Variants in ZNF608 observed in about 807,000 individuals in gnomAD.
ZNF608 encodes zinc finger protein 608.
A neutral mutation model predicts 109.0 loss-of-function variants in ZNF608; 12 were observed. That is an observed-to-expected ratio of 0.11 (90% CI 0.07 to 0.18). The LOEUF (loss-of-function observed/expected upper bound fraction) is 0.18. ZNF608 is among the 10% of genes least tolerant of loss of function. The pLI, the probability that ZNF608 is intolerant of heterozygous loss-of-function variation, is 1.00. For synonymous variants in ZNF608, 732 were observed against 717.4 expected (o/e 1.02, Z -0.33); for missense variants, 1,707 against 1,879.3 (o/e 0.91, Z 1.70).
intron 3 of ZNF608, among the ~76,000 whole-genome samples, chr5:124,672,780 G>A (rs1282466883): frequency 6.6e-6 from 1 of 152,166 alleles, no homozygotes; most frequent in South Asian, 2.1e-4. Flanking sequence ...ACAGCCTTTT[G>A]ATGTTACCTT....
intron 2 of ZNF608, among the ~76,000 whole-genome samples, chr5:124,725,069 C>G (rs994196676): frequency 6.6e-6 from 1 of 152,082 alleles, no homozygotes; most frequent in Admixed American, 6.5e-5. Context: ...TCCTCAAACA[C>G]ACCAAATACA....
intron 3 of ZNF608, among the ~76,000 whole-genome samples, chr5:124,690,924 A>AACACACACAC (rs35022360): frequency 1.0e-3 from 91 of 86,988 alleles, no homozygotes; most frequent in African/African-American, 4.4e-3. Flanking sequence ...GCAACAGAAA[A>AACACACACAC]ACACACACAC....
intron 3 of ZNF608, among the ~76,000 whole-genome samples, chr5:124,678,650 G>A (rs112875419): frequency 3.5e-4 from 54 of 152,284 alleles, no homozygotes; most frequent in African/African-American, 1.2e-3. Context: ...CTGAGGGTGC[G>A]TGTTAGTTGA....
chr5:124,737,302 G>A (rs921814659), intron 2 of ZNF608, among the ~76,000 whole-genome samples: 2 of 152,096 alleles, frequency 1.3e-5, no homozygotes, highest in Non-Finnish European at 2.9e-5. Context: ...TTTTCTTAAG[G>A]TGCTAGCTGA....
chr5:124,745,011 A>T lies in ZNF608; in HGVS notation c.-22T>A, dbSNP rs2149909954. On this transcript the variant is annotated 5_prime_UTR_variant, in exon 2 of 10. Coordinates refer to ENST00000513986, the MANE Select transcript of ZNF608 (RefSeq NM_020747.3). ...ACATCCTGAAGATGAGCTCTCTAGA[A>T]TAAAAATCCGATGAACTTTTCTTTG... 6.4e-7 allele frequency: 1 copy of T among 1,568,956 alleles called. No individual in the cohort carries two copies. The highest frequency in any genetic ancestry group is 2.2e-5 in the East Asian group (1 of 44,566).
intron 3 of ZNF608, among the ~76,000 whole-genome samples, chr5:124,697,755 C>A (rs946401548): frequency 3.9e-5 from 6 of 152,110 alleles, no homozygotes; most frequent in Non-Finnish European, 8.8e-5. Context: ...ACACAAGAAA[C>A]AATTAAGTAT....
chr5:124,653,317 C>G (rs562689054), intron 3 of ZNF608, among the ~76,000 whole-genome samples: 1 of 152,266 alleles, frequency 6.6e-6, no homozygotes, highest in Non-Finnish European at 1.5e-5. Flanking sequence ...CCAAAAAAGC[C>G]TGAGACCTCA....
At position 124,646,914 on chromosome 5, in the gene ZNF608, G is replaced by A. The variant is rs771197992; in HGVS notation, c.3470C>T (p.Pro1157Leu). 21 of 1,613,864 alleles carry A rather than the reference G, an allele frequency of 1.3e-5. No individual in the cohort carries two copies. The East Asian group carries it at 4.0e-4, about 31-fold the overall frequency. The change falls in exon 5 of 10, where the codon CCC becomes CTC. Residue 1157 changes from proline to leucine, a missense_variant. Transcript: ENST00000513986. ...NMPSATISKA[P>L]STPEPNKNHS... ...GTTTTTGTTAGGCTCCGGAGTAGAG[G>A]GAGCTTTTGAGATTGTGGCCGATGG...
intron 2 of ZNF608, among the ~76,000 whole-genome samples, chr5:124,703,223 T>G (rs1753125878): frequency 6.6e-6 from 1 of 152,158 alleles, no homozygotes; most frequent in Non-Finnish European, 1.5e-5. Flanking sequence ...CATCACCTGA[T>G]CAACAGCCTA....
Position 124,701,076 on chromosome 5 carries a change from C to A in ZNF608, c.1100G>T (p.Gly367Val), listed in dbSNP as rs1465911417. The change falls in exon 3 of 10, where the codon GGG becomes GTG. Residue 367 changes from glycine to valine, a missense_variant. By Grantham distance (109) the Gly-to-Val change is moderately radical (BLOSUM62 -3). Transcript: ENST00000513986. The part of the protein sequence containing the change: ...VGVVTEPECL[G>V]PCEPGTSVNL... ...CACACTGGTCCCAGGTTCACAGGGC[C>A]CAAGACACTCTGGCTCTGTCACTAC... The A allele has an allele frequency of 1.2e-6, 2 of 1,613,980 alleles. No individual in the cohort carries two copies.
At position 124,672,500 on chromosome 5, in the gene ZNF608, A is replaced by G. The variant is rs116019651; in HGVS notation, c.1163-22803T>C. 2.9e-3 allele frequency among the ~76,000 whole-genome samples: 437 copies of G among 152,338 alleles called. 3 individuals are homozygous for G. Among genetic ancestry groups the G allele is most frequent in the African/African-American group, 8.7e-3 (363 of 41,572 alleles). Reference sequence around the variant, plus strand: ...TCTCCTGATACTAAATGAAAAATGCATGCAAAATGAATAATTACAAAAAGC... The same window carrying G: ...TCTCCTGATACTAAATGAAAAATGCGTGCAAAATGAATAATTACAAAAAGC... On this transcript the variant is annotated intron_variant, in intron 3 of 9. Transcript: ENST00000513986.
chr5:124,690,020 A>G (rs1752550713), intron 3 of ZNF608, among the ~76,000 whole-genome samples: 2 of 151,108 alleles, frequency 1.3e-5, no homozygotes, highest in Non-Finnish European at 2.9e-5. Flanking sequence ...ATACATCCAG[A>G]CTCAATGAAA....
intron 2 of ZNF608, among the ~76,000 whole-genome samples, chr5:124,732,521 G>A (rs1268593475): frequency 1.3e-5 from 2 of 150,978 alleles, no homozygotes; most frequent in Non-Finnish European, 1.5e-5. Context: ...CTAGTCCTTA[G>A]GAAAGGGGTT....
In ZNF608 at chr5:124,648,428, A is replaced by C; in HGVS notation, c.1956T>G (p.Ile652Met). The C allele has an allele frequency of 6.2e-7, 1 of 1,614,170 alleles. No individual in the cohort carries two copies. Among genetic ancestry groups the C allele is most frequent in the Non-Finnish European group, 8.5e-7 (1 of 1,180,032 alleles). The change falls in exon 5 of 10, where the codon ATT becomes ATG. Residue 652 changes from isoleucine (I) to methionine (M), a missense_variant. Ile to Met is a conservative substitution (Grantham distance 10). Transcript: ENST00000513986. ...CAGAATTCTTCCCAGCTTTAGCACC[A>C]ATAATGGAACCTGGGCCATTGCTCA... ...ELMSNGPGSI[I>M]GAKAGKNSGK...
At chr5:124,721,408 A>C (rs1221037429) in intron 2 of ZNF608, among the ~76,000 whole-genome samples, 1 of 152,164 alleles carries the variant, frequency 6.6e-6, no homozygotes, top group African/African-American at 2.4e-5. Flanking sequence ...GGGAGATAAA[A>C]ACAAATAAGA....
At chr5:124,693,665 T>C (rs1752706395) in intron 3 of ZNF608, among the ~76,000 whole-genome samples, 1 of 152,148 alleles carries the variant, frequency 6.6e-6, no homozygotes, top group South Asian at 2.1e-4. Context: ...TGAATCCTAC[T>C]CAACAGCAGC....
At position 124,644,384 on chromosome 5, in the gene ZNF608, G is replaced by T; in HGVS notation, c.3983C>A (p.Thr1328Lys). 1.2e-6 allele frequency: 2 copies of T among 1,614,142 alleles called. No homozygotes were observed. Among genetic ancestry groups the T allele is most frequent in the Non-Finnish European group, 1.7e-6 (2 of 1,180,036 alleles). ...TPVNWKDSRGTRVAVSSPMSQ... is the reference protein window; with the variant it reads ...TPVNWKDSRGKRVAVSSPMSQ... ...CATGGGTGAGGAGACAGCCACTCTT[G>T]TTCCCCGAGAGTCCTTCCAGTTCAC... The change falls in exon 6 of 10, where the codon ACA (threonine) becomes AAA (lysine). Residue 1328 changes from threonine to lysine, a missense_variant. Around this residue, in one of 7 missense-constraint regions of ZNF608, gnomAD observed 1,073 missense variants for 1,133.5 expected, o/e 0.95. Coordinates refer to ENST00000513986, the MANE Select transcript of ZNF608 (RefSeq NM_020747.3).
At chr5:124,721,386 T>C (rs1753893964) in intron 2 of ZNF608, among the ~76,000 whole-genome samples, 2 of 152,140 alleles carry the variant, frequency 1.3e-5, no homozygotes, top group Non-Finnish European at 2.9e-5. Flanking sequence ...GAGGGCTCAG[T>C]GCTAGGCGCT....
chr5:124,733,223 T>A (rs1748988628), intron 2 of ZNF608, among the ~76,000 whole-genome samples: 1 of 149,388 alleles, frequency 6.7e-6, no homozygotes, highest in African/African-American at 2.5e-5. Context: ...CTCTCTTTTT[T>A]TTTTTTTTTT....
Sources: gnomAD v4.1 joint callset for allele counts (sites outside exome capture counted in the v4.1 genomes callset) on GRCh38, gnomAD v4.1.1 for gene constraint, gnomAD v4.1.1 regional missense constraint, MANE v1.5 for transcripts, NCBI Gene and HGNC (gene_info 2026-07-23, HGNC 2026-07-21) for gene names.